The following SLC2A13 variants were observed in gnomAD, a reference collection of about 807,000 sequenced individuals.
The protein encoded by SLC2A13 is proton myo-inositol cotransporter.
Under a neutral mutation model 64.4 loss-of-function variants are expected in SLC2A13, and 32 were observed. That is an observed-to-expected ratio of 0.50 (90% CI 0.37 to 0.67). SLC2A13 has a LOEUF of 0.67. SLC2A13 is among the 30% of genes least tolerant of loss of function. The pLI, the probability that SLC2A13 is intolerant of heterozygous loss-of-function variation, is 0.00. For synonymous variants in SLC2A13, 338 were observed against 327.1 expected (o/e 1.03, Z -0.36); for missense variants, 743 against 829.2 (o/e 0.90, Z 1.28).
In SLC2A13 at chr12:40,068,392, C is replaced by G. The variant is rs573458578; in HGVS notation, c.557-20182G>C. 1.4e-4 allele frequency: 44 copies of G among 324,550 alleles called. 1 individual carries two copies. The highest frequency in any genetic ancestry group is 1.1e-3 in the South Asian group (42 of 39,950). The allele number at this position is 324,550 out of a possible 1,614,324, so 20.1% of individuals were successfully genotyped here. On this transcript the variant is annotated intron_variant, in intron 1 of 9. Transcript: ENST00000280871. ...CTGTAGTGATGAACACCAGTTTAGGCCAACATGGTGTAGTACTCTATTGGG... is the reference window on the plus strand; with the variant it reads ...CTGTAGTGATGAACACCAGTTTAGGGCAACATGGTGTAGTACTCTATTGGG...
rs766648252 is a variant in SLC2A13 at position 40,105,587 on chromosome 12, C to T, written c.222G>A (p.Gln74=). 1 of 1,541,616 alleles carries T rather than the reference C, an allele frequency of 6.5e-7. No individual in the cohort carries two copies. The change falls in exon 1 of 10, where the codon CAG becomes CAA. Residue 74 remains glutamine (Q), a synonymous_variant. Coordinates refer to ENST00000280871, the MANE Select transcript of SLC2A13 (RefSeq NM_052885.4). The surrounding 1 kb of genome is among the most constrained non-coding windows in gnomAD (Gnocchi z 4.2). ...CGTACACGAAGGCGGGGGTCTCGTC[C>T]TGCTGGAACTGCCGCCGCGCCGCGC... ...LERAARRQFQ[Q]DETPAFVYVV...
intron 6 of SLC2A13, among the ~76,000 whole-genome samples, chr12:39,831,157 G>T (rs1942840809): frequency 6.6e-6 from 1 of 152,064 alleles, no homozygotes; most frequent in African/African-American, 2.4e-5. Flanking sequence ...CCTGCTCCTT[G>T]GTAGATAAAA....
chr12:39,776,312 C>T (rs1296375324), intron 7 of SLC2A13, among the ~76,000 whole-genome samples: 4 of 152,174 alleles, frequency 2.6e-5, no homozygotes, highest in Non-Finnish European at 2.9e-5. Context: ...CCACCTCTGC[C>T]GACAGCTGAG....
chr12:39,955,304 A>T (rs11174453), intron 3 of SLC2A13, among the ~76,000 whole-genome samples: 19,470 of 152,224 alleles, frequency 0.13, 1,288 homozygotes, highest in South Asian at 0.24. Flanking sequence ...ATCTAAACAC[A>T]TAGCCTATAA....
chr12:39,823,549 A>G (rs1942582989), intron 7 of SLC2A13, among the ~76,000 whole-genome samples: 1 of 152,202 alleles, frequency 6.6e-6, no homozygotes, highest in African/African-American at 2.4e-5. Context: ...CTTCCCTGGC[A>G]TATCAGTGAA....
intron 3 of SLC2A13, among the ~76,000 whole-genome samples, chr12:40,021,822 CA>C (rs1947724545): frequency 6.6e-6 from 1 of 152,148 alleles, no homozygotes; most frequent in African/African-American, 2.4e-5. Context: ...ATGTCAATTG[CA>C]ACGAGTATTT....
intron 1 of SLC2A13, among the ~76,000 whole-genome samples, chr12:40,098,427 G>A (rs1177309281): frequency 6.6e-6 from 1 of 152,196 alleles, no homozygotes; most frequent in African/African-American, 2.4e-5. Context: ...GCAACAATGT[G>A]AATATACCTA....
intron 4 of SLC2A13, among the ~76,000 whole-genome samples, chr12:39,940,956 C>T (rs1162153500): frequency 1.3e-5 from 2 of 152,006 alleles, no homozygotes; most frequent in Non-Finnish European, 2.9e-5. Flanking sequence ...TCAGTGAGAA[C>T]ATATGATGTT....
At chr12:40,034,572 T>A (rs971181993) in intron 2 of SLC2A13, among the ~76,000 whole-genome samples, 1 of 152,190 alleles carries the variant, frequency 6.6e-6, no homozygotes. Flanking sequence ...TTCCACTCTG[T>A]CTTCTGGCTT....
chr12:39,793,037 G>A (rs1941459348), intron 7 of SLC2A13, among the ~76,000 whole-genome samples: 2 of 152,050 alleles, frequency 1.3e-5, no homozygotes, highest in Non-Finnish European at 2.9e-5. Context: ...GGGTCATAAA[G>A]ATATAAAACT....
chr12:39,797,773 C>CAT (rs1941632038), intron 7 of SLC2A13, among the ~76,000 whole-genome samples: 1 of 152,030 alleles, frequency 6.6e-6, no homozygotes. Context: ...CACACACACA[C>CAT]ACATACACGG....
chr12:39,830,248 ACC>A lies in SLC2A13; in HGVS notation c.1320-22_1320-21del. Reference sequence around the variant, plus strand: ...CAGTAACTGAAAAATGAAAAGAGTTACCGTCATGTTGGCAGAGACAACTGGTG... The same window carrying A: ...CAGTAACTGAAAAATGAAAAGAGTTAGTCATGTTGGCAGAGACAACTGGTG... On this transcript the variant is annotated intron_variant, in intron 6 of 9. Coordinates refer to ENST00000280871, the MANE Select transcript of SLC2A13 (RefSeq NM_052885.4). 1 of 1,608,702 alleles carries A rather than the reference ACC, an allele frequency of 6.2e-7. No individual in the cohort carries two copies. Among genetic ancestry groups the A allele is most frequent in the African/African-American group, 1.3e-5 (1 of 74,810 alleles).
chr12:39,906,191 C>T (rs1458142211), intron 4 of SLC2A13, among the ~76,000 whole-genome samples: 1 of 152,090 alleles, frequency 6.6e-6, no homozygotes, highest in Non-Finnish European at 1.5e-5. Context: ...GTTTAATAAT[C>T]CCAATTTTCA....
chr12:40,016,190 C>T (rs1395979177), intron 3 of SLC2A13, among the ~76,000 whole-genome samples: 1 of 151,996 alleles, frequency 6.6e-6, no homozygotes, highest in Non-Finnish European at 1.5e-5. Flanking sequence ...ACATACTACA[C>T]CACCCCCCCA....
intron 6 of SLC2A13, chr12:39,830,511 A>G (rs1453755084): frequency 1.8e-6 from 2 of 1,099,544 alleles, no homozygotes; most frequent in Non-Finnish European, 2.2e-6. Context: ...ATCAATCTGG[A>G]GCAAATAAAC....
chr12:39,772,636 G>A (rs1190351299), intron 7 of SLC2A13, among the ~76,000 whole-genome samples: 19 of 152,098 alleles, frequency 1.2e-4, no homozygotes. Flanking sequence ...AAAAAAGAAA[G>A]GCAGGCAGGT....
Position 39,864,780 on chromosome 12 carries a change from G to C in SLC2A13, c.1301C>G (p.Ala434Gly). 6.2e-7 allele frequency: 1 copy of C among 1,613,996 alleles called. No individual in the cohort carries two copies. Among genetic ancestry groups the C allele is most frequent in the South Asian group, 1.1e-5 (1 of 91,072 alleles). The part of the protein sequence containing the change: ...FKPIAPSGQN[A>G]TCTRYSYCNE... ...ATCTCACCTGTATCTTGTGCAAGTG[G>C]CGTTCTGACCTGACGGAGCTATTGG... Residue 434 changes from alanine to glycine, a missense_variant, in exon 6 of 10, where the codon GCC becomes GGC. By Grantham distance (60) the Ala-to-Gly change is moderately conservative. Around this residue, in one of 2 missense-constraint regions of SLC2A13, gnomAD observed 295 missense variants for 381.7 expected, o/e 0.77. Transcript: ENST00000280871.
At chr12:40,004,048 A>G (rs908732293) in intron 3 of SLC2A13, among the ~76,000 whole-genome samples, 4 of 152,160 alleles carry the variant, frequency 2.6e-5, no homozygotes, top group African/African-American at 9.7e-5. Flanking sequence ...ATAAAAATAC[A>G]AAATACAAAT....
At chr12:39,962,845 G>T (rs569201862) in intron 3 of SLC2A13, among the ~76,000 whole-genome samples, 2 of 152,282 alleles carry the variant, frequency 1.3e-5, no homozygotes, top group Admixed American at 6.5e-5. Context: ...TGTTGTGCAG[G>T]TTCCTTACCT....
Sources: allele counts gnomAD v4.1 joint callset (sites outside exome capture counted in the v4.1 genomes callset), GRCh38; gene constraint gnomAD v4.1.1; regional missense constraint gnomAD v4.1.1; non-coding constraint Gnocchi (gnomAD v3.1); transcripts MANE v1.5; gene names NCBI Gene and HGNC (gene_info 2026-07-23, HGNC 2026-07-21).